The following CCDC91 variants were observed in gnomAD, a reference collection of about 807,000 sequenced individuals.
CCDC91 encodes the protein coiled-coil domain-containing protein 91.
Under a neutral mutation model 63.2 loss-of-function variants are expected in CCDC91, and 48 were observed. The ratio of observed to expected loss-of-function variants is 0.76; its 90% CI spans 0.60 to 0.97. CCDC91 has a LOEUF of 0.97. CCDC91 is among the 50% of genes least tolerant of loss of function. CCDC91 has a pLI of 0.00. For synonymous variants in CCDC91, 167 were observed against 165.8 expected (o/e 1.01, Z -0.06); for missense variants, 500 against 494.6 (o/e 1.01, Z -0.10).
intron 3 of CCDC91, among the ~76,000 whole-genome samples, chr12:28,274,505 G>C (rs1236551073): frequency 2.0e-5 from 3 of 151,956 alleles, no homozygotes; most frequent in African/African-American, 4.8e-5. Context: ...TTTGTATCCT[G>C]TTTTATTTCA....
At chr12:28,513,003 A>G (rs1021183762) in intron 12 of CCDC91, among the ~76,000 whole-genome samples, 1 of 151,880 alleles carries the variant, frequency 6.6e-6, no homozygotes, top group African/African-American at 2.4e-5. Context: ...AACTGTTAGC[A>G]AAGCTTTTCC....
intron 12 of CCDC91, among the ~76,000 whole-genome samples, chr12:28,485,890 A>G (rs1400759123): frequency 6.6e-6 from 1 of 152,200 alleles, no homozygotes; most frequent in African/African-American, 2.4e-5. Context: ...AGGGATTGCA[A>G]TTGTGAAAGA....
intron 8 of CCDC91, among the ~76,000 whole-genome samples, chr12:28,420,246 A>G (rs1947919926): frequency 6.6e-6 from 1 of 152,156 alleles, no homozygotes; most frequent in Admixed American, 6.6e-5. Context: ...GCATTCTGTT[A>G]TGTAGAAAAT....
chr12:28,441,838 G>A (rs1216662352), intron 8 of CCDC91, among the ~76,000 whole-genome samples: 1 of 151,142 alleles, frequency 6.6e-6, no homozygotes, highest in East Asian at 1.9e-4. Context: ...GAATTTTTTG[G>A]GTAATGAAAA....
chr12:28,307,743 A>G lies in CCDC91; in HGVS notation c.570A>G (p.Glu190=), dbSNP rs767194985. 5.9e-6 allele frequency: 9 copies of G among 1,533,730 alleles called. No homozygotes were observed. The Admixed American group carries it at 1.1e-4, about 19-fold the overall frequency. The change falls in exon 6 of 13, where the codon GAA becomes GAG. Residue 190 remains glutamate, a synonymous_variant. Coordinates refer to ENST00000536442, the MANE Select transcript of CCDC91 (RefSeq NM_018318.5). ...TTTCTTTTCAAGATAGATACAAAGA[A>G]CTTCAGGTAAGGCGATTGAACTTAA... ...EAISFQDRYK[E]LQEKHKQELE... is the part of the protein sequence containing the mutation.
intron 7 of CCDC91, among the ~76,000 whole-genome samples, chr12:28,371,084 G>A (rs1221493110): frequency 6.6e-6 from 1 of 151,258 alleles, no homozygotes; most frequent in Non-Finnish European, 1.5e-5. Flanking sequence ...TTTTTTTTTG[G>A]TATAAAGTCT....
chr12:28,299,455 G>T (rs756977652), intron 3 of CCDC91, among the ~76,000 whole-genome samples: 1 of 151,440 alleles, frequency 6.6e-6, no homozygotes, highest in African/African-American at 2.4e-5. Context: ...TGTGTTATGT[G>T]ATCAGGTTAT....
rs537215318 is a variant in CCDC91 at position 28,390,869 on chromosome 12, C to T, written c.655-435C>T. ...TGGCCCATGGGATATTACAGTGTGCCGAGAGGATGTGGAGTTTTGTCAGCC... is the reference window on the plus strand; with the variant it reads ...TGGCCCATGGGATATTACAGTGTGCTGAGAGGATGTGGAGTTTTGTCAGCC... On this transcript the variant is annotated intron_variant, in intron 7 of 12. Transcript: ENST00000536442. Among the ~76,000 whole-genome samples the T allele has an allele frequency of 4.6e-5, 7 of 151,680 alleles. No individual in the cohort carries two copies. In the South Asian group the frequency reaches 1.0e-3, roughly 23 times the overall value.
At chr12:28,434,216 T>C (rs1354065242) in intron 8 of CCDC91, among the ~76,000 whole-genome samples, 2 of 151,794 alleles carry the variant, frequency 1.3e-5, no homozygotes, top group Non-Finnish European at 3.0e-5. Flanking sequence ...AAGCATCAAG[T>C]CACCATTAAG....
At chr12:28,340,613 G>T (rs1942341774) in intron 6 of CCDC91, among the ~76,000 whole-genome samples, 2 of 152,142 alleles carry the variant, frequency 1.3e-5, no homozygotes, top group Admixed American at 6.5e-5. Flanking sequence ...TATCCCCCTT[G>T]CAGGGTGTGT....
chr12:28,234,567 C>T (rs1312458844), intron 1 of CCDC91, among the ~76,000 whole-genome samples: 1 of 152,082 alleles, frequency 6.6e-6, no homozygotes, highest in Non-Finnish European at 1.5e-5. Flanking sequence ...ATAACTGTTT[C>T]TTGATAGTAT....
At chr12:28,270,094 T>A (rs1229502752) in intron 3 of CCDC91, among the ~76,000 whole-genome samples, 5 of 152,022 alleles carry the variant, frequency 3.3e-5, no homozygotes, top group Non-Finnish European at 5.9e-5. Context: ...TTTCCTACAT[T>A]TACATTAAAA....
At chr12:28,439,864 C>T (rs1949095518) in intron 8 of CCDC91, among the ~76,000 whole-genome samples, 1 of 149,750 alleles carries the variant, frequency 6.7e-6, no homozygotes, top group Non-Finnish European at 1.5e-5. Flanking sequence ...TTCTGAGTGC[C>T]TTTATTTTAG....
chr12:28,229,717 G>C (rs1944473134), intron 1 of CCDC91, among the ~76,000 whole-genome samples: 1 of 152,168 alleles, frequency 6.6e-6, no homozygotes, highest in African/African-American at 2.4e-5. Context: ...TCCCAGGGAA[G>C]GACTCTGATG....
intron 6 of CCDC91, among the ~76,000 whole-genome samples, chr12:28,324,617 T>C (rs1940813158): frequency 6.6e-6 from 1 of 151,904 alleles, no homozygotes; most frequent in South Asian, 2.1e-4. Flanking sequence ...TTTTCTCTTT[T>C]CCTTAGGATT....
At chr12:28,540,205 G>T (rs762124445) in intron 12 of CCDC91, among the ~76,000 whole-genome samples, 1 of 152,050 alleles carries the variant, frequency 6.6e-6, no homozygotes, top group Non-Finnish European at 1.5e-5. Flanking sequence ...GTAGTCTGTT[G>T]TTTTCATACA....
intron 11 of CCDC91, among the ~76,000 whole-genome samples, chr12:28,454,550 T>G (rs1374586672): frequency 1.3e-5 from 2 of 152,266 alleles, no homozygotes; most frequent in Admixed American, 1.3e-4. Context: ...TTGCCATCTT[T>G]CTTGGACTGG....
intron 12 of CCDC91, 59 bp downstream of exon 12, chr12:28,484,224 A>G: frequency 1.2e-6 from 1 of 819,792 alleles, no homozygotes; most frequent in Non-Finnish European, 1.9e-6. Flanking sequence ...AGTGACTTCC[A>G]TACAATAACA....
intron 8 of CCDC91, among the ~76,000 whole-genome samples, chr12:28,420,186 C>G (rs1244866849): frequency 6.6e-6 from 1 of 152,022 alleles, no homozygotes; most frequent in Non-Finnish European, 1.5e-5. Context: ...GGATTTGATT[C>G]CAGATCTAAC....
Sources: allele counts gnomAD v4.1 joint callset (sites outside exome capture counted in the v4.1 genomes callset), GRCh38; gene constraint gnomAD v4.1.1; transcripts MANE v1.5; gene names NCBI Gene and HGNC (gene_info 2026-07-23, HGNC 2026-07-21).